DYNC2H1: variants seen among roughly 807,000 people sequenced by gnomAD.
DYNC2H1 encodes dynein cytoplasmic 2 heavy chain 1, also known as cytoplasmic dynein 2 heavy chain 1.
In DYNC2H1, 410 loss-of-function variants were observed where a neutral mutation model predicts 570.0. The ratio of observed to expected loss-of-function variants is 0.72; its 90% CI spans 0.66 to 0.78. The LOEUF (loss-of-function observed/expected upper bound fraction) is 0.78. DYNC2H1 is among the 30% of genes least tolerant of loss of function. The probability of loss-of-function intolerance (pLI) is 0.00; values close to 1 mark genes in which losing one functional copy is unlikely to be tolerated. For synonymous variants in DYNC2H1, 1,688 were observed against 1,677.6 expected (o/e 1.01, Z -0.15); for missense variants, 4,865 against 5,046.4 (o/e 0.96, Z 1.09).
intron 88 of DYNC2H1, among the ~76,000 whole-genome samples, chr11:103,470,341 C>T (rs746566558): frequency 1.3e-4 from 20 of 152,044 alleles, no homozygotes; most frequent in Non-Finnish European, 2.6e-4. Flanking sequence ...TGAAAAATAG[C>T]TCATATAAAG....
In DYNC2H1 at chr11:103,170,493, A is replaced by C. The variant is rs190989535; in HGVS notation, c.5151+203A>C. Among the ~76,000 whole-genome samples, 505 of 152,328 alleles carry C rather than the reference A, an allele frequency of 3.3e-3. 3 individuals carry two copies. The highest frequency in any genetic ancestry group is 0.011 in the African/African-American group (469 of 41,584). On this transcript the variant is annotated intron_variant, in intron 33 of 88. Transcript: ENST00000375735. The surrounding 1 kb of genome is among the most constrained non-coding windows in gnomAD (Gnocchi z 4.8). ...TTCTAAGAATTATGGCAAAGAAATA[A>C]TTTTAAATACAGAATGAAGATTTAT...
At position 103,189,687 on chromosome 11, in the gene DYNC2H1, G is replaced by A. The variant is rs755810323; in HGVS notation, c.7308G>A (p.Glu2436=). The A allele has an allele frequency of 1.7e-5, 27 of 1,612,526 alleles. No homozygotes were observed. Among genetic ancestry groups the A allele is most frequent in the Middle Eastern group, 1.7e-4 (1 of 6,054 alleles). The change falls in exon 45 of 89, where the codon GAG becomes GAA. Residue 2436 remains glutamate (E), a synonymous_variant. Coordinates refer to ENST00000375735, the MANE Select transcript of DYNC2H1 (RefSeq NM_001377.3). This position sits in a 1 kb window ranked among gnomAD's most constrained non-coding sequence, Gnocchi z 4.3. ...TTTTTTTTAGTTACCCAGAAAGAGA[G>A]CAGTTACAAACGATTTATGGAGCAT... ...RLCSIDYPER[E]QLQTIYGAYL... is the part of the protein sequence containing the mutation.
chr11:103,453,097 C>T (rs529807980), intron 85 of DYNC2H1, among the ~76,000 whole-genome samples: 2 of 150,290 alleles, frequency 1.3e-5, no homozygotes, highest in Non-Finnish European at 3.0e-5. Flanking sequence ...ATGTTATATC[C>T]GTTATATGCC....
intron 85 of DYNC2H1, 94 bp from the exon 86 acceptor site, chr11:103,455,092 G>T: frequency 2.5e-6 from 2 of 793,712 alleles, no homozygotes; most frequent in Non-Finnish European, 2.0e-6. Context: ...AGAGCATTTG[G>T]AAGCTGAATT....
chr11:103,118,974 A>C (rs1858558827), intron 6 of DYNC2H1, among the ~76,000 whole-genome samples: 1 of 151,542 alleles, frequency 6.6e-6, no homozygotes, highest in Non-Finnish European at 1.5e-5. Flanking sequence ...CAAAATGGTG[A>C]TTTTCTAATT....
intron 82 of DYNC2H1, among the ~76,000 whole-genome samples, chr11:103,344,827 A>T (rs1939655061): frequency 6.6e-6 from 1 of 152,204 alleles, no homozygotes; most frequent in Admixed American, 6.5e-5. Context: ...TAATTAAAAC[A>T]TTACAAGTGT....
intron 30 of DYNC2H1, among the ~76,000 whole-genome samples, chr11:103,165,294 A>G (rs1861257896): frequency 6.6e-6 from 1 of 151,992 alleles, no homozygotes; most frequent in South Asian, 2.1e-4. Context: ...TACCTGGCTA[A>G]TTTTTGTATT....
At chr11:103,281,637 A>G (rs547963309) in intron 71 of DYNC2H1, among the ~76,000 whole-genome samples, 20 of 151,668 alleles carry the variant, frequency 1.3e-4, no homozygotes, top group South Asian at 2.1e-4. Flanking sequence ...ATTATTGTCT[A>G]ACTTGGGGAT....
intron 82 of DYNC2H1, among the ~76,000 whole-genome samples, chr11:103,349,651 A>T (rs1393780939): frequency 1.3e-5 from 2 of 152,214 alleles, no homozygotes; most frequent in African/African-American, 4.8e-5. Context: ...CTGTGTGAGT[A>T]TGAATTTATA....
At position 103,354,316 on chromosome 11, in the gene DYNC2H1, G is replaced by GT. The variant is rs1432164291; in HGVS notation, c.12040-3920dup. 6.0e-5 allele frequency among the ~76,000 whole-genome samples: 9 copies of GT among 151,164 alleles called. No homozygotes were observed. In the East Asian group the frequency reaches 7.8e-4, roughly 13 times the overall value. On this transcript the variant is annotated intron_variant, in intron 82 of 88. Transcript: ENST00000375735. ...TTTCCCCTTTTTAAAAAAATTCTGG[G>GT]TTTTTTTCTGTTTTGGAAAATTTAT... is the stretch of plus-strand genomic sequence containing the variant.
At chr11:103,474,060 C>A in intron 88 of DYNC2H1, 1 of 228,494 alleles carries the variant, frequency 4.4e-6, no homozygotes, top group Non-Finnish European at 9.7e-6. Flanking sequence ...ATTTCACTAA[C>A]ATATTTTGTA....
chr11:103,249,261 G>T lies in DYNC2H1; in HGVS notation c.10042+3887G>T, dbSNP rs565544915. Among the ~76,000 whole-genome samples, 6 of 151,966 alleles carry T rather than the reference G, an allele frequency of 3.9e-5. No individual in the cohort carries two copies. The highest frequency in any genetic ancestry group is 8.8e-5 in the Non-Finnish European group (6 of 67,888). The stretch of plus-strand genomic sequence containing the variant: ...TGTTTTATCAAAGTAGTACATGCAT[G>T]GGTTGTAAAGTCAAATGATACAGAA... On this transcript the variant is annotated intron_variant, in intron 65 of 88. Transcript: ENST00000375735. The surrounding 1 kb of genome is among the most constrained non-coding windows in gnomAD (Gnocchi z 4.6).
rs1253443487 is a variant in DYNC2H1, at chr11:103,264,455, A to T, written c.10695+4478A>T. On this transcript the variant is annotated intron_variant, in intron 70 of 88. Coordinates refer to ENST00000375735, the MANE Select transcript of DYNC2H1 (RefSeq NM_001377.3). The surrounding 1 kb of genome is among the most constrained non-coding windows in gnomAD (Gnocchi z 4.8). Reference sequence around the variant, plus strand: ...GATGAACATTGATTAGAAAATCCTCAATAAAATATTGGCAAACCGAATCCA... The same window carrying T: ...GATGAACATTGATTAGAAAATCCTCTATAAAATATTGGCAAACCGAATCCA... Among the ~76,000 whole-genome samples, 1 of 152,258 alleles carries T rather than the reference A, an allele frequency of 6.6e-6. No individual in the cohort carries two copies. Among genetic ancestry groups the T allele is most frequent in the Non-Finnish European group, 1.5e-5 (1 of 68,038 alleles).
intron 75 of DYNC2H1, among the ~76,000 whole-genome samples, chr11:103,301,679 A>C (rs931780517): frequency 1.3e-5 from 2 of 151,928 alleles, no homozygotes; most frequent in Admixed American, 1.3e-4. Flanking sequence ...AATTCTTAGC[A>C]TTATGGGTAG....
chr11:103,476,076 A>G (rs575899992), intron 88 of DYNC2H1, among the ~76,000 whole-genome samples: 1 of 152,082 alleles, frequency 6.6e-6, no homozygotes, highest in Non-Finnish European at 1.5e-5. Flanking sequence ...TCTTTGCCAA[A>G]GAATGTAAAG....
At chr11:103,271,332 A>T (rs1020374823) in intron 70 of DYNC2H1, among the ~76,000 whole-genome samples, 1 of 152,186 alleles carries the variant, frequency 6.6e-6, no homozygotes, top group Non-Finnish European at 1.5e-5. Flanking sequence ...GTTTTCTGAA[A>T]ATACAGTTGA....
In DYNC2H1 at chr11:103,268,589, G is replaced by A. The variant is rs61898178; in HGVS notation, c.10695+8612G>A. On this transcript the variant is annotated intron_variant, in intron 70 of 88. Transcript: ENST00000375735. This position sits in a 1 kb window ranked among gnomAD's most constrained non-coding sequence, Gnocchi z 4.6. ...TTATTGGTCAGTCTTGTAATAATGT[G>A]TTTAATGGTTTTTAAATTTTTATTT... 0.088 allele frequency among the ~76,000 whole-genome samples: 13,420 copies of A among 151,870 alleles called. 780 individuals carry two copies. The highest frequency in any genetic ancestry group is 0.12 in the Non-Finnish European group (8,112 of 67,812).
intron 80 of DYNC2H1, among the ~76,000 whole-genome samples, chr11:103,318,067 A>G (rs2074817332): frequency 6.6e-6 from 1 of 152,142 alleles, no homozygotes; most frequent in Admixed American, 6.6e-5. Flanking sequence ...TGTCTTTGGC[A>G]AAAGGATAAG....
rs984079256 is a variant in DYNC2H1, at chr11:103,145,009, T to C, written c.2702+1614T>C. Among the ~76,000 whole-genome samples, 1 of 151,974 alleles carries C rather than the reference T, an allele frequency of 6.6e-6. No individual in the cohort carries two copies. Among genetic ancestry groups the C allele is most frequent in the Non-Finnish European group, 1.5e-5 (1 of 67,992 alleles). On this transcript the variant is annotated intron_variant, in intron 18 of 88. Coordinates refer to ENST00000375735, the MANE Select transcript of DYNC2H1 (RefSeq NM_001377.3). This position sits in a 1 kb window ranked among gnomAD's most constrained non-coding sequence, Gnocchi z 4.2. Reference sequence around the variant, plus strand: ...GATTCCCCTGCCTCAGCCTCCTGAGTAGCTGGGACTACAGGCACGTGCCAC... The same window carrying C: ...GATTCCCCTGCCTCAGCCTCCTGAGCAGCTGGGACTACAGGCACGTGCCAC...
Sources: allele counts gnomAD v4.1 joint callset (sites outside exome capture counted in the v4.1 genomes callset), GRCh38; gene constraint gnomAD v4.1.1; non-coding constraint Gnocchi (gnomAD v3.1); transcripts MANE v1.5; gene names NCBI Gene and HGNC (gene_info 2026-07-23, HGNC 2026-07-21).